The following MSN variants were observed in gnomAD, a reference collection of about 807,000 sequenced individuals.
MSN encodes moesin, also known as epididymis luminal protein 70.
MSN carries 2 observed loss-of-function variants against 48.0 expected under a neutral mutation model. The observed-to-expected ratio is 0.04, with a 90% CI of 0.02 to 0.13. MSN has a LOEUF of 0.13. Ranked by LOEUF, MSN falls within the 10% of genes least tolerant of loss-of-function variation. The probability of loss-of-function intolerance (pLI) is 1.00; values close to 1 mark genes in which losing one functional copy is unlikely to be tolerated. For missense variants in MSN, 267 were observed against 470.1 expected (o/e 0.57, Z 3.99); for synonymous variants, 146 against 166.9 (o/e 0.87, Z 0.97).
intron 1 of MSN, among the ~76,000 whole-genome samples, chrX:65,622,374 A>ACAGG (rs1248248593): frequency 2.7e-5 from 3 of 110,536 alleles, no homozygotes; most frequent in Non-Finnish European, 5.7e-5. Flanking sequence ...TGCTGGGATT[A>ACAGG]CAGGCATGAG....
At chrX:65,684,502 G>A (rs1438844713) in intron 1 of MSN, among the ~76,000 whole-genome samples, 4 of 107,308 alleles carry the variant, frequency 3.7e-5, no homozygotes, top group Admixed American at 2.0e-4. Context: ...GCAATGGCGC[G>A]ATCTCGGCTC....
At chrX:65,710,410 C>T (rs764518055) in intron 1 of MSN, among the ~76,000 whole-genome samples, 7 of 111,466 alleles carry the variant, frequency 6.3e-5, no homozygotes, top group Non-Finnish European at 9.4e-5. Flanking sequence ...TTATAGGAAG[C>T]TCCTTAACCT....
intron 1 of MSN, among the ~76,000 whole-genome samples, chrX:65,612,578 T>G (rs2070329645): frequency 9.2e-6 from 1 of 109,034 alleles, no homozygotes; most frequent in African/African-American, 3.3e-5. Flanking sequence ...TTTATTTTTG[T>G]GAAGCAGGGT....
chrX:65,686,313 A>T (rs1315215936), intron 1 of MSN, among the ~76,000 whole-genome samples: 2 of 112,272 alleles, frequency 1.8e-5, no homozygotes, highest in Non-Finnish European at 3.8e-5. Flanking sequence ...TTGCCTTTTT[A>T]TTCCCAGACT....
chrX:65,719,359 C>A (rs1382064373), intron 2 of MSN, among the ~76,000 whole-genome samples: 3 of 112,084 alleles, frequency 2.7e-5, no homozygotes, highest in East Asian at 5.6e-4. Context: ...TTATCTCTGG[C>A]ATTTATTTGT....
chrX:65,634,695 A>G (rs1284993271), intron 1 of MSN, among the ~76,000 whole-genome samples: 2 of 113,002 alleles, frequency 1.8e-5, no homozygotes, highest in African/African-American at 6.4e-5. Context: ...CACCTTCATG[A>G]TGACTAATAT....
At position 65,733,268 on chromosome X, in the gene MSN, C is replaced by T. The variant is rs2071641420; in HGVS notation, c.783C>T (p.Asp261=). 2.5e-6 allele frequency: 3 copies of T among 1,207,977 alleles called. No individual in the cohort carries two copies. Among genetic ancestry groups the T allele is most frequent in the Non-Finnish European group, 1.1e-6 (1 of 892,077 alleles). ...NDKKFVIKPI[D]KKAPDFVFYA... ...AGAAATTTGTCATCAAGCCCATTGA[C>T]AAAAAAGCCCCGGTGAGTGATTCCT... The change falls in exon 7 of 13, where the codon GAC becomes GAT. Residue 261 remains aspartate, a synonymous_variant. Transcript: ENST00000360270.
intron 4 of MSN, among the ~76,000 whole-genome samples, chrX:65,730,071 G>T (rs1316230400): frequency 1.8e-5 from 2 of 111,610 alleles, no homozygotes; most frequent in African/African-American, 6.5e-5. Context: ...AAGTTCACAG[G>T]GGAGAGAGAG....
intron 1 of MSN, among the ~76,000 whole-genome samples, chrX:65,709,210 A>G (rs762342987): frequency 2.9e-4 from 32 of 111,247 alleles, no homozygotes; most frequent in Non-Finnish European, 5.5e-4. Context: ...TGGTAGTCCT[A>G]TTTTTAGTTT....
intron 1 of MSN, 82 bp downstream of exon 1, chrX:65,667,935 C>T (rs771676723): frequency 6.6e-6 from 7 of 1,063,408 alleles, no homozygotes; most frequent in East Asian, 3.2e-5. Context: ...GAGGGCTTGG[C>T]CAGCCACCGG....
chrX:65,718,054 G>A (rs747292640), intron 2 of MSN, among the ~76,000 whole-genome samples: 2 of 111,160 alleles, frequency 1.8e-5, no homozygotes, highest in Admixed American at 1.9e-4. Flanking sequence ...ACATAGAGTG[G>A]GAAAATTATT....
chrX:65,619,963 G>C (rs374561069), intron 1 of MSN, among the ~76,000 whole-genome samples: 1 of 110,193 alleles, frequency 9.1e-6, no homozygotes, highest in African/African-American at 3.4e-5. Context: ...TGGAGTACCC[G>C]GCCGTGTGAG....
At chrX:65,639,777 GA>G (rs1416590214) in intron 1 of MSN, among the ~76,000 whole-genome samples, 1 of 111,984 alleles carries the variant, frequency 8.9e-6, no homozygotes, top group Non-Finnish European at 1.9e-5. Context: ...GGAGGGAGTA[GA>G]AATTTAAGAG....
rs185431676 is a variant in MSN at position 65,604,445 on chromosome X, G to A, written c.-22+15833G>A. Among the ~76,000 whole-genome samples, 491 of 112,032 alleles carry A rather than the reference G, an allele frequency of 4.4e-3. 4 individuals carry two copies. The highest frequency in any genetic ancestry group is 0.015 in the African/African-American group (466 of 30,849). ...ACAGGAAACCATGTCATCCCACAGGGAAAGTGTGCGGTGTTAATAGAGGTT... is the reference window on the plus strand; with the variant it reads ...ACAGGAAACCATGTCATCCCACAGGAAAAGTGTGCGGTGTTAATAGAGGTT... On this transcript the variant is annotated intron_variant, in intron 1 of 3. Coordinates refer to the MSN transcript ENST00000609672.
chrX:65,593,215 G>T (rs969958297), intron 1 of MSN: 3 of 103,691 alleles, frequency 2.9e-5, no homozygotes, highest in African/African-American at 1.1e-4. Flanking sequence ...TTCCTGTGGT[G>T]CTTCCCACCA....
At chrX:65,674,397 C>T (rs2070975334) in intron 1 of MSN, among the ~76,000 whole-genome samples, 1 of 111,637 alleles carries the variant, frequency 9.0e-6, no homozygotes, top group Admixed American at 9.5e-5. Flanking sequence ...TGACTCCACC[C>T]AGAGAGCACA....
intron 2 of MSN, among the ~76,000 whole-genome samples, chrX:65,725,700 A>G (rs1320280031): frequency 1.8e-5 from 2 of 112,072 alleles, no homozygotes; most frequent in African/African-American, 3.2e-5. Context: ...CCAGCTGCCT[A>G]TTGACTTAGA....
chrX:65,684,515 T>C (rs1452583170), intron 1 of MSN, among the ~76,000 whole-genome samples: 1 of 109,073 alleles, frequency 9.2e-6, no homozygotes, highest in Non-Finnish European at 1.9e-5. Context: ...CTCGGCTCAC[T>C]GCAACCTCTG....
intron 10 of MSN, 140 bp downstream of exon 10, chrX:65,737,478 C>T: frequency 2.7e-6 from 2 of 727,482 alleles, no homozygotes; most frequent in African/African-American, 2.1e-5. Flanking sequence ...ATAACTAGTT[C>T]AGAAGCAAGC....
Sources: gnomAD v4.1 joint callset for allele counts (sites outside exome capture counted in the v4.1 genomes callset) on GRCh38, gnomAD v4.1.1 for gene constraint, MANE v1.5 for transcripts, NCBI Gene and HGNC (gene_info 2026-07-23, HGNC 2026-07-21) for gene names.